The following NEIL3 variants were observed in gnomAD, a reference collection of about 807,000 sequenced individuals.
NEIL3 encodes the protein nei like DNA glycosylase 3.
NEIL3 carries 48 observed loss-of-function variants against 57.5 expected under a neutral mutation model. That is an observed-to-expected ratio of 0.83 (90% confidence interval 0.66 to 1.06). The LOEUF is 1.06. NEIL3 is among the 50% of genes least tolerant of loss of function. NEIL3 has a pLI of 0.00. For missense variants in NEIL3, 717 were observed against 739.1 expected (o/e 0.97, Z 0.35); for synonymous variants, 261 against 253.2 (o/e 1.03, Z -0.29).
chr4:177,319,756 C>T (rs998772965), intron 1 of NEIL3, among the ~76,000 whole-genome samples: 10 of 152,066 alleles, frequency 6.6e-5, no homozygotes, highest in African/African-American at 1.7e-4. Flanking sequence ...AAGCAGGGAA[C>T]GCTACTATAT....
intron 9 of NEIL3, among the ~76,000 whole-genome samples, chr4:177,361,317 G>A (rs1325921306): frequency 6.6e-6 from 1 of 152,164 alleles, no homozygotes; most frequent in Non-Finnish European, 1.5e-5. Flanking sequence ...GGCTGAGTGT[G>A]ATTCTAATGT....
At chr4:177,343,906 AG>A (rs1441553730) in intron 6 of NEIL3, among the ~76,000 whole-genome samples, 1 of 152,134 alleles carries the variant, frequency 6.6e-6, no homozygotes, top group East Asian at 1.9e-4. Context: ...CGTTGAACAC[AG>A]TAGCTGGCAG....
intron 8 of NEIL3, among the ~76,000 whole-genome samples, chr4:177,356,010 C>A (rs1735466313): frequency 6.6e-6 from 1 of 151,972 alleles, no homozygotes; most frequent in Non-Finnish European, 1.5e-5. Context: ...CTAATTAGTG[C>A]CTCATGATAG....
chr4:177,346,133 A>G (rs1427333978), intron 6 of NEIL3, among the ~76,000 whole-genome samples: 3 of 152,164 alleles, frequency 2.0e-5, no homozygotes, highest in Non-Finnish European at 4.4e-5. Context: ...CAGAGGTCTT[A>G]AATAGGCTTC....
At chr4:177,338,974 G>A (rs966301085) in intron 4 of NEIL3, among the ~76,000 whole-genome samples, 5 of 152,020 alleles carry the variant, frequency 3.3e-5, no homozygotes, top group Non-Finnish European at 7.4e-5. Flanking sequence ...CAATTAAAAT[G>A]TATAAATAGG....
At position 177,353,420 on chromosome 4, in the gene NEIL3, A is replaced by T; in HGVS notation, c.1152A>T (p.Ala384=). The change falls in exon 8 of 10, where the codon GCA becomes GCT. Residue 384 remains alanine, a synonymous_variant. Transcript: ENST00000264596. Reference sequence around the variant, plus strand: ...AAGTCAAGATCAACAGAAAAACTGCATTTGGAACTACAACTCTTGTCTTGA... The same window carrying T: ...AAGTCAAGATCAACAGAAAAACTGCTTTTGGAACTACAACTCTTGTCTTGA... ...HTEVKINRKT[A]FGTTTLVLTD... is the part of the protein sequence containing the mutation. 1.2e-6 allele frequency: 2 copies of T among 1,613,996 alleles called. No individual in the cohort carries two copies. The highest frequency in any genetic ancestry group is 2.2e-5 in the South Asian group (2 of 91,072).
intron 8 of NEIL3, among the ~76,000 whole-genome samples, chr4:177,356,195 T>C (rs1735470059): frequency 6.6e-6 from 1 of 152,216 alleles, no homozygotes; most frequent in African/African-American, 2.4e-5. Flanking sequence ...TATTTTTATT[T>C]CCTTAATGCT....
intron 8 of NEIL3, among the ~76,000 whole-genome samples, chr4:177,357,785 C>A (rs1393862029): frequency 1.3e-5 from 2 of 152,112 alleles, no homozygotes; most frequent in East Asian, 3.9e-4. Context: ...GACCGTAAGA[C>A]CAGCAAGCCT....
intron 4 of NEIL3, among the ~76,000 whole-genome samples, chr4:177,337,835 A>G (rs148188752): frequency 1.3e-5 from 2 of 152,286 alleles, no homozygotes; most frequent in African/African-American, 2.4e-5. Context: ...CCTGGCCAAC[A>G]TGGTGAAACC....
intron 8 of NEIL3, among the ~76,000 whole-genome samples, chr4:177,358,899 G>A (rs577904888): frequency 6.6e-6 from 1 of 152,146 alleles, no homozygotes; most frequent in Non-Finnish European, 1.5e-5. Context: ...TTTTTAATAA[G>A]AATGCATCAT....
At chr4:177,355,863 C>G (rs1735461909) in intron 8 of NEIL3, among the ~76,000 whole-genome samples, 1 of 152,110 alleles carries the variant, frequency 6.6e-6, no homozygotes, top group Admixed American at 6.5e-5. Context: ...TTATCCTTGA[C>G]TGGTTTTTTT....
chr4:177,335,688 G>T lies in NEIL3; in HGVS notation c.279G>T (p.Arg93=). 6.2e-7 allele frequency: 1 copy of T among 1,608,082 alleles called. No homozygotes were observed. Among genetic ancestry groups the T allele is most frequent in the Non-Finnish European group, 8.5e-7 (1 of 1,177,540 alleles). The change falls in exon 3 of 10, where the codon CGG becomes CGT. Residue 93 remains arginine, a splice_region_variant and synonymous_variant. Transcript: ENST00000264596. The part of the protein sequence containing the change: ...LFMYFGPKAL[R]IHFGMKGFIM... The stretch of plus-strand genomic sequence containing the variant: ...CAAAAATGGTTTGATTTTGTTTCAG[G>T]ATTCATTTCGGAATGAAAGGCTTCA...
chr4:177,331,527 A>T (rs115670590), intron 2 of NEIL3, among the ~76,000 whole-genome samples: 4,005 of 152,216 alleles, frequency 0.026, 114 homozygotes, highest in African/African-American at 0.067. Context: ...CTTTTAAATC[A>T]CCTGTCTCAT....
intron 1 of NEIL3, among the ~76,000 whole-genome samples, chr4:177,322,065 C>T (rs1734695440): frequency 6.6e-6 from 1 of 152,142 alleles, no homozygotes; most frequent in African/African-American, 2.4e-5. Flanking sequence ...CTGTTTTTAT[C>T]TGACCACTCT....
At position 177,326,964 on chromosome 4, in the gene NEIL3, C is replaced by T. The variant is rs540666801; in HGVS notation, c.278+4384C>T. Among the ~76,000 whole-genome samples, 9 of 152,102 alleles carry T rather than the reference C, an allele frequency of 5.9e-5. No homozygotes were observed. In the South Asian group the frequency reaches 1.5e-3, roughly 25 times the overall value. On this transcript the variant is annotated intron_variant, in intron 2 of 9. Coordinates refer to ENST00000264596, the MANE Select transcript of NEIL3 (RefSeq NM_018248.3). ...ATCTTGAATTGTAATTCCCATGTGT[C>T]GAGGTGTGGGGGGGCATGTAATCCC...
chr4:177,341,465 T>G lies in NEIL3; in HGVS notation c.703-11T>G. The G allele has an allele frequency of 6.4e-7, 1 of 1,554,092 alleles. No individual in the cohort carries two copies. Among genetic ancestry groups the G allele is most frequent in the Non-Finnish European group, 8.6e-7 (1 of 1,156,228 alleles). ...TGGATAACAGAATTTTTTGGTTTTT[T>G]TTTTTTTTAGTGCCGTAAAGCAGGA... On this transcript the variant is annotated splice_polypyrimidine_tract_variant and intron_variant, in intron 5 of 9. Transcript: ENST00000264596.
intron 1 of NEIL3, among the ~76,000 whole-genome samples, chr4:177,311,255 G>A (rs1165141791): frequency 1.3e-5 from 2 of 152,118 alleles, no homozygotes; most frequent in Non-Finnish European, 2.9e-5. Context: ...CAGTTGGGAA[G>A]ACACAAAGAC....
At chr4:177,356,325 C>T (rs374876043) in intron 8 of NEIL3, among the ~76,000 whole-genome samples, 2 of 152,178 alleles carry the variant, frequency 1.3e-5, no homozygotes, top group African/African-American at 4.8e-5. Flanking sequence ...TGATTAATCA[C>T]AGTGCACAGC....
chr4:177,313,073 A>T (rs1213362957), intron 1 of NEIL3, among the ~76,000 whole-genome samples: 1 of 152,242 alleles, frequency 6.6e-6, no homozygotes, highest in African/African-American at 2.4e-5. Context: ...TGAAATGATT[A>T]GTTTTCACAA....
Sources: gnomAD v4.1 joint callset for allele counts (sites outside exome capture counted in the v4.1 genomes callset) on GRCh38, gnomAD v4.1.1 for gene constraint, MANE v1.5 for transcripts, NCBI Gene and HGNC (gene_info 2026-07-23, HGNC 2026-07-21) for gene names.